EYA4: variants seen among roughly 807,000 people sequenced by gnomAD.
The protein encoded by EYA4 is EYA transcriptional coactivator and phosphatase 4, also known as protein phosphatase EYA4.
A neutral mutation model predicts 87.9 loss-of-function variants in EYA4; 31 were observed. The ratio of observed to expected loss-of-function variants is 0.35; its 90% confidence interval spans 0.27 to 0.48. The LOEUF is 0.48. Among genes scored for constraint, EYA4 ranks in the 20% least tolerant of loss-of-function variants. The pLI is 0.99. For missense variants in EYA4, 678 were observed against 761.4 expected (o/e 0.89, Z 1.29); for synonymous variants, 263 against 270.6 (o/e 0.97, Z 0.28).
intron 2 of EYA4, among the ~76,000 whole-genome samples, chr6:133,276,262 TAG>T (rs1777154254): frequency 6.6e-6 from 1 of 152,170 alleles, no homozygotes; most frequent in African/African-American, 2.4e-5. Flanking sequence ...GCGTATATGT[TAG>T]AGTGACCAAC....
chr6:133,408,180 G>A (rs146001410), intron 3 of EYA4, among the ~76,000 whole-genome samples: 1 of 152,184 alleles, frequency 6.6e-6, no homozygotes, highest in Non-Finnish European at 1.5e-5. Context: ...TGGCCCCTTT[G>A]CATGGTGAAC....
rs1212209005 is a variant in EYA4 at position 133,529,028 on chromosome 6, T to C, written c.*223T>C. On this transcript the variant is annotated 3_prime_UTR_variant, in exon 20 of 20. Coordinates refer to ENST00000355286, the MANE Select transcript of EYA4 (RefSeq NM_004100.5). The stretch of plus-strand genomic sequence containing the variant: ...CTTATATTTACAACACTTTAATGGG[T>C]TTTTTAAAAATCTGTGGAGGTTGCT... 1.5e-6 allele frequency: 2 copies of C among 1,319,334 alleles called. No homozygotes were observed. The highest frequency in any genetic ancestry group is 1.9e-6 in the Non-Finnish European group (2 of 1,028,324). The allele number at this position is 1,319,334 out of a possible 1,614,324, so 81.7% of individuals were successfully genotyped here.
intron 13 of EYA4, chr6:133,502,151 G>T (rs1259224936): frequency 6.6e-6 from 1 of 151,470 alleles, no homozygotes; most frequent in Non-Finnish European, 1.5e-5. Flanking sequence ...AGAATAAATT[G>T]GCAGTAGTTC....
intron 3 of EYA4, among the ~76,000 whole-genome samples, chr6:133,424,610 C>T (rs1296988445): frequency 1.3e-5 from 2 of 152,166 alleles, no homozygotes; most frequent in Non-Finnish European, 2.9e-5. Context: ...GCAGGCACAG[C>T]TGCACCCAGA....
intron 3 of EYA4, among the ~76,000 whole-genome samples, chr6:133,432,307 G>A (rs75873667): frequency 0.013 from 1,962 of 152,234 alleles, 41 homozygotes; most frequent in African/African-American, 0.044. Context: ...AAGGAGATTG[G>A]CCATAACTTC....
rs916699019 is a variant in EYA4, at chr6:133,528,872, A to G, written c.*67A>G. Reference sequence around the variant, plus strand: ...ACACTGAATTTTTATGTGTGATTCAATGCCTCTGGCTCTACACATATAAAT... The same window carrying G: ...ACACTGAATTTTTATGTGTGATTCAGTGCCTCTGGCTCTACACATATAAAT... On this transcript the variant is annotated 3_prime_UTR_variant, in exon 20 of 20. Transcript: ENST00000355286. 25 of 1,610,098 alleles carry G rather than the reference A, an allele frequency of 1.6e-5. No individual in the cohort carries two copies. The highest frequency in any genetic ancestry group is 1.7e-4 in the Middle Eastern group (1 of 6,050).
At position 133,399,068 on chromosome 6, in the gene EYA4, G is replaced by A. The variant is rs186742894; in HGVS notation, c.83+16627G>A. On this transcript the variant is annotated intron_variant, in intron 3 of 19. Coordinates refer to ENST00000355286, the MANE Select transcript of EYA4 (RefSeq NM_004100.5). ...CTTTTCCTCTCTTATTTTGACCAGC[G>A]CCAGCTCACCTCTGCTGGTGCCCAC... Among the ~76,000 whole-genome samples, 91 of 152,132 alleles carry A rather than the reference G, an allele frequency of 6.0e-4. 1 individual carries two copies. The highest frequency in any genetic ancestry group is 2.0e-3 in the African/African-American group (82 of 41,508).
intron 3 of EYA4, among the ~76,000 whole-genome samples, chr6:133,388,632 T>C (rs984188506): frequency 1.3e-5 from 2 of 152,132 alleles, no homozygotes; most frequent in Non-Finnish European, 2.9e-5. Context: ...ATGAGAATAA[T>C]ATAGTACATG....
intron 2 of EYA4, among the ~76,000 whole-genome samples, chr6:133,318,501 C>T (rs975035028): frequency 1.3e-5 from 2 of 152,100 alleles, no homozygotes; most frequent in Admixed American, 6.5e-5. Context: ...TCTTCATCTT[C>T]GTATCTATTC....
chr6:133,499,025 T>G (rs1797877804), intron 13 of EYA4, among the ~76,000 whole-genome samples: 1 of 152,190 alleles, frequency 6.6e-6, no homozygotes, highest in African/African-American at 2.4e-5. Flanking sequence ...TCACATTGAT[T>G]AACTTGAAGC....
At chr6:133,370,879 G>A (rs1051659077) in intron 2 of EYA4, among the ~76,000 whole-genome samples, 7 of 152,130 alleles carry the variant, frequency 4.6e-5, no homozygotes, top group Admixed American at 4.6e-4. Context: ...ATAATAGTAA[G>A]ATCAAGTTTA....
At chr6:133,509,994 A>G (rs73546848) in intron 14 of EYA4, among the ~76,000 whole-genome samples, 6,032 of 152,264 alleles carry the variant, frequency 0.04, 430 homozygotes, top group African/African-American at 0.14. Context: ...TCCAGAGTCA[A>G]CAGGCATAGT....
chr6:133,392,164 C>T (rs1787358600), intron 3 of EYA4, among the ~76,000 whole-genome samples: 1 of 152,138 alleles, frequency 6.6e-6, no homozygotes, highest in Admixed American at 6.5e-5. Context: ...ATACCCATCC[C>T]CAAGCTGACC....
chr6:133,480,199 T>C (rs1796085702), intron 11 of EYA4, among the ~76,000 whole-genome samples: 1 of 152,210 alleles, frequency 6.6e-6, no homozygotes, highest in South Asian at 2.1e-4. Context: ...GGAGATGGAC[T>C]GATCGGAGTG....
At position 133,512,718 on chromosome 6, in the gene EYA4, C is replaced by T. The variant is rs769870399; in HGVS notation, c.1282-3C>T. 4.4e-6 allele frequency: 7 copies of T among 1,607,548 alleles called. No homozygotes were observed. Among genetic ancestry groups the T allele is most frequent in the Non-Finnish European group, 5.1e-6 (6 of 1,174,152 alleles). Reference sequence around the variant, plus strand: ...CAAATAACTTTTCCAATGTTTTTAACAGGAGTGTGATCAAGTTCATATAGA... The same window carrying T: ...CAAATAACTTTTCCAATGTTTTTAATAGGAGTGTGATCAAGTTCATATAGA... On this transcript the variant is annotated splice_region_variant and splice_polypyrimidine_tract_variant and intron_variant, in intron 14 of 19. Coordinates refer to ENST00000355286, the MANE Select transcript of EYA4 (RefSeq NM_004100.5).
intron 1 of EYA4, among the ~76,000 whole-genome samples, chr6:133,268,121 T>C (rs1776376816): frequency 6.6e-6 from 1 of 152,206 alleles, no homozygotes; most frequent in South Asian, 2.1e-4. Context: ...TATATTAGTT[T>C]ATTATTTACA....
intron 3 of EYA4, among the ~76,000 whole-genome samples, chr6:133,394,585 A>G (rs1276627577): frequency 6.6e-6 from 1 of 152,112 alleles, no homozygotes; most frequent in African/African-American, 2.4e-5. Flanking sequence ...AAAAAAGCCT[A>G]TGACAAATCT....
intron 2 of EYA4, chr6:133,360,673 A>G (rs148439268): frequency 3.3e-5 from 5 of 152,348 alleles, no homozygotes; most frequent in South Asian, 2.1e-4. Context: ...CAACACAGGT[A>G]TGGAGAGTGA....
At chr6:133,501,670 T>G (rs1465521753) in intron 13 of EYA4, among the ~76,000 whole-genome samples, 1 of 152,190 alleles carries the variant, frequency 6.6e-6, no homozygotes, top group African/African-American at 2.4e-5. Context: ...ATATCTTCTA[T>G]CTTTGTGTGC....
Sources: allele counts gnomAD v4.1 joint callset (sites outside exome capture counted in the v4.1 genomes callset), GRCh38; gene constraint gnomAD v4.1.1; transcripts MANE v1.5; gene names NCBI Gene and HGNC (gene_info 2026-07-23, HGNC 2026-07-21).